Variants in NUB1 observed in about 807,000 individuals in gnomAD.
NUB1 encodes the protein NEDD8 ultimate buster 1.
A neutral mutation model predicts 77.1 loss-of-function variants in NUB1; 41 were observed. That is an observed-to-expected ratio of 0.53 (90% confidence interval 0.41 to 0.69). The LOEUF (loss-of-function observed/expected upper bound fraction) is 0.69, where lower values mean the gene tolerates loss of function less well. Among genes scored for constraint, NUB1 ranks in the 30% least tolerant of loss-of-function variants. The probability of loss-of-function intolerance (pLI) is 0.00; values close to 1 mark genes in which losing one functional copy is unlikely to be tolerated. For synonymous variants in NUB1, 257 were observed against 281.0 expected (o/e 0.91, Z 0.85); for missense variants, 643 against 743.8 (o/e 0.86, Z 1.58).
chr7:151,341,883 C>A, intron 1 of NUB1, 37 bp downstream of exon 1: 1 of 1,468,420 alleles, frequency 6.8e-7, no homozygotes. Context: ...CGACCCCAGC[C>A]TCAGCAGCAC....
At chr7:151,347,441 T>A (rs1563009633) in intron 2 of NUB1, among the ~76,000 whole-genome samples, 1 of 152,070 alleles carries the variant, frequency 6.6e-6, no homozygotes, top group Non-Finnish European at 1.5e-5. Context: ...TATATAGGTT[T>A]ATGTTACTTA....
In NUB1 at chr7:151,377,462, C is replaced by CT. The variant is rs761929936; in HGVS notation, c.*238dup. 3.5e-5 allele frequency: 12 copies of CT among 342,406 alleles called. No homozygotes were observed. Among genetic ancestry groups the CT allele is most frequent in the Non-Finnish European group, 5.3e-5 (10 of 188,650 alleles). The allele number at this position is 342,406 out of a possible 1,614,324, so 21.2% of individuals were successfully genotyped here. ...CCATCTGCCTCCCAGGTCTGCGTCCCTAACCCCTTCCCCAGCTTGGTGTTT... is the reference window on the plus strand; with the variant it reads ...CCATCTGCCTCCCAGGTCTGCGTCCCTTAACCCCTTCCCCAGCTTGGTGTTT... On this transcript the variant is annotated 3_prime_UTR_variant, in exon 15 of 15. Coordinates refer to ENST00000568733, the MANE Select transcript of NUB1 (RefSeq NM_001243351.2).
rs1028690541 is a variant in NUB1 at position 151,376,679 on chromosome 7, A to G, written c.1537A>G (p.Arg513Gly). The G allele has an allele frequency of 2.5e-6, 4 of 1,611,190 alleles. No homozygotes were observed. Among genetic ancestry groups the G allele is most frequent in the African/African-American group, 2.7e-5 (2 of 74,862 alleles). ...FDALVAEAALRVFRGNVQLAA... is the reference protein window; with the variant it reads ...FDALVAEAALGVFRGNVQLAA... ...TGCACTCGTGGCCGAAGCTGCGCTG[A>G]GAGTGTTCAGAGGCAACGTCCAGCT... Residue 513 changes from arginine (R) to glycine (G), a missense_variant, in exon 14 of 15, where the codon AGA (arginine) becomes GGA (glycine). Coordinates refer to ENST00000568733, the MANE Select transcript of NUB1 (RefSeq NM_001243351.2).
rs371703710 is a variant in NUB1 at position 151,375,954 on chromosome 7, G to A, written c.1491+11G>A. The A allele has an allele frequency of 1.1e-5, 18 of 1,579,576 alleles. No individual in the cohort carries two copies. The highest frequency in any genetic ancestry group is 1.6e-5 in the Non-Finnish European group (18 of 1,148,884). ...GAAAACATTGACCGAGTGAGTGACA[G>A]GCCTTTGTGCCCTCAGCTTGGACAG... On this transcript the variant is annotated intron_variant, in intron 13 of 14. Transcript: ENST00000568733.
intron 11 of NUB1, among the ~76,000 whole-genome samples, chr7:151,369,814 C>T (rs1403612109): frequency 6.6e-6 from 1 of 152,194 alleles, no homozygotes. Flanking sequence ...TATGTTACCT[C>T]GTTTCCCTTT....
At chr7:151,372,773 G>A (rs11973759) in intron 11 of NUB1, among the ~76,000 whole-genome samples, 3,881 of 152,250 alleles carry the variant, frequency 0.025, 169 homozygotes, top group African/African-American at 0.089. Flanking sequence ...GACGGAGCCT[G>A]CTGCCCTGTG....
rs1022162571 is a variant in NUB1 at position 151,345,360 on chromosome 7, A to G, written c.11A>G (p.Lys4Arg). Residue 4 changes from lysine to arginine, a missense_variant, in exon 2 of 15, where the codon AAG (lysine) becomes AGG (arginine). By Grantham distance (26) the Lys-to-Arg change is conservative. Transcript: ENST00000568733. ...GTTTTGCTTTCAGGGATGGCACAAAAGAAATATCTTCAAGCAAAATTGACC... is the reference window on the plus strand; with the variant it reads ...GTTTTGCTTTCAGGGATGGCACAAAGGAAATATCTTCAAGCAAAATTGACC... Reference protein sequence around the residue: MAQKKYLQAKLTQF... With the variant: MAQRKYLQAKLTQF... 6.2e-7 allele frequency: 1 copy of G among 1,609,640 alleles called. No homozygotes were observed. Among genetic ancestry groups the G allele is most frequent in the Non-Finnish European group, 8.5e-7 (1 of 1,176,770 alleles).
chr7:151,373,958 G>C, intron 11 of NUB1, 139 bp from the exon 12 acceptor site: 1 of 878,632 alleles, frequency 1.1e-6, no homozygotes, highest in Non-Finnish European at 1.7e-6. Context: ...GGTGAGGAGA[G>C]GTAGAAAGAG....
chr7:151,357,711 G>A (rs1385763694), intron 7 of NUB1, among the ~76,000 whole-genome samples: 1 of 151,532 alleles, frequency 6.6e-6, no homozygotes, highest in Non-Finnish European at 1.5e-5. Context: ...CCTGGTTCAA[G>A]CAATTCTCCT....
At chr7:151,376,576 C>CG in intron 13 of NUB1, 58 bp from the exon 14 acceptor site, 1 of 1,490,354 alleles carries the variant, frequency 6.7e-7, no homozygotes, top group Non-Finnish European at 9.1e-7. Context: ...GTATGGCTGA[C>CG]GGGGGTGGCA....
intron 14 of NUB1, 101 bp from the exon 15 acceptor site, chr7:151,376,945 GT>G: frequency 7.1e-7 from 1 of 1,399,586 alleles, no homozygotes; most frequent in Non-Finnish European, 9.6e-7. Flanking sequence ...CACCTGGACA[GT>G]GTGGCCAGCA....
chr7:151,365,389 T>C (rs1444573132), intron 8 of NUB1, among the ~76,000 whole-genome samples: 1 of 152,108 alleles, frequency 6.6e-6, no homozygotes, highest in Non-Finnish European at 1.5e-5. Flanking sequence ...GCATATTGAT[T>C]TTATTTTTAA....
chr7:151,345,692 C>T (rs908610659), intron 2 of NUB1, among the ~76,000 whole-genome samples: 2 of 152,140 alleles, frequency 1.3e-5, no homozygotes, highest in Admixed American at 6.6e-5. Flanking sequence ...TTTTTAATAC[C>T]ATCACAGGAT....
chr7:151,372,325 T>C (rs2108726), intron 11 of NUB1, among the ~76,000 whole-genome samples: 95,097 of 152,162 alleles, frequency 0.62, 30,967 homozygotes, highest in East Asian at 0.89. Context: ...TGTTCTCACA[T>C]GTGTTTACAT....
At chr7:151,363,138 C>G (rs1797463694) in intron 8 of NUB1, among the ~76,000 whole-genome samples, 1 of 152,118 alleles carries the variant, frequency 6.6e-6, no homozygotes, top group African/African-American at 2.4e-5. Flanking sequence ...CAAATGTAAC[C>G]TATAACAAGC....
chr7:151,377,309 T>C lies in NUB1; in HGVS notation c.*84T>C. 1 of 1,014,750 alleles carries C rather than the reference T, an allele frequency of 9.9e-7. No homozygotes were observed. Among genetic ancestry groups the C allele is most frequent in the Non-Finnish European group, 1.4e-6 (1 of 716,002 alleles). 62.9% of individuals were successfully genotyped at this position (1,014,750 alleles called of 1,614,324 possible). A position where few individuals can be genotyped will look rare whatever the true frequency, so the allele number is the denominator to read the frequency against. On this transcript the variant is annotated 3_prime_UTR_variant, in exon 15 of 15. Transcript: ENST00000568733. ...TAATGCAGCTCTTTCTGTTCTTACT[T>C]TTTATCTGAATTACAAGTCCTCTTT...
intron 8 of NUB1, among the ~76,000 whole-genome samples, chr7:151,365,517 G>C (rs1398789827): frequency 6.6e-6 from 1 of 152,214 alleles, no homozygotes; most frequent in Non-Finnish European, 1.5e-5. Flanking sequence ...TTTCCTGCGA[G>C]TGGCAGGAGA....
intron 13 of NUB1, 71 bp downstream of exon 13, chr7:151,376,014 A>C: frequency 1.1e-6 from 1 of 946,282 alleles, no homozygotes; most frequent in Non-Finnish European, 1.7e-6. Context: ...ACCCGGGTGA[A>C]TCAGGCAGCA....
intron 3 of NUB1, 158 bp from the exon 4 acceptor site, chr7:151,351,266 C>A: frequency 1.5e-6 from 1 of 649,864 alleles, no homozygotes; most frequent in South Asian, 1.7e-5. Context: ...TCAGCCTGTG[C>A]TGGGTTATGT....
Sources: gnomAD v4.1 joint callset for allele counts (sites outside exome capture counted in the v4.1 genomes callset) on GRCh38, gnomAD v4.1.1 for gene constraint, MANE v1.5 for transcripts, NCBI Gene and HGNC (gene_info 2026-07-23, HGNC 2026-07-21) for gene names.